Variants in PSD3 observed in about 807,000 individuals in gnomAD.
The protein encoded by PSD3 is pleckstrin and Sec7 domain containing 3, also known as PH and SEC7 domain-containing protein 3.
In PSD3, 49 loss-of-function variants were observed where a neutral mutation model predicts 105.5. The ratio of observed to expected loss-of-function variants is 0.46; its 90% CI spans 0.37 to 0.59. The LOEUF (loss-of-function observed/expected upper bound fraction) is 0.59. Among genes scored for constraint, PSD3 ranks in the 20% least tolerant of loss-of-function variants. PSD3 has a pLI of 0.00. For missense variants in PSD3, 1,561 were observed against 1,263.8 expected (o/e 1.24, Z -3.57); for synonymous variants, 557 against 457.8 (o/e 1.22, Z -2.77).
At chr8:18,870,562 G>A (rs2129457163) in intron 3 of PSD3, among the ~76,000 whole-genome samples, 1 of 152,180 alleles carries the variant, frequency 6.6e-6, no homozygotes, top group East Asian at 1.9e-4. Flanking sequence ...GATGGCATTA[G>A]GAGAAATACC....
At chr8:19,015,035 G>A (rs374757539), upstream of PSD3, among the ~76,000 whole-genome samples, 1 of 152,276 alleles carries the variant, frequency 6.6e-6, no homozygotes, top group East Asian at 1.9e-4. Flanking sequence ...CATTGATATG[G>A]TTTGGCTGTA....
rs1245061148 is a variant in PSD3 at position 18,872,498 on chromosome 8, A to T, written c.366T>A (p.His122Gln). 1 of 1,614,098 alleles carries T rather than the reference A, an allele frequency of 6.2e-7. No individual in the cohort carries two copies. The highest frequency in any genetic ancestry group is 8.5e-7 in the Non-Finnish European group (1 of 1,180,022). ...TGGGCTGTAAACTTTGTTCCTTGAG[A>T]TGACTTTGAGAGGGGGCCTCTCTGA... ...KDVREAPSQS[H>Q]LKEQSLQPID... is the part of the protein sequence containing the mutation. The change falls in exon 3 of 16, where the codon CAT becomes CAA. Residue 122 changes from histidine to glutamine, a missense_variant. Physicochemically the swap from His to Gln is conservative, Grantham distance 24 (BLOSUM62 0). Coordinates refer to ENST00000327040, the MANE Select transcript of PSD3 (RefSeq NM_015310.4).
chr8:18,854,254 G>T (rs1043800044), intron 4 of PSD3: 1 of 152,734 alleles, frequency 6.5e-6, no homozygotes, highest in South Asian at 2.1e-4. Context: ...CACTGACTCC[G>T]CAGTGACATT....
At chr8:18,565,508 A>G (rs369118802) in intron 14 of PSD3, among the ~76,000 whole-genome samples, 45 of 152,372 alleles carry the variant, frequency 3.0e-4, no homozygotes, top group African/African-American at 1.1e-3. Flanking sequence ...CATAAAAGAC[A>G]AGAATAAATT....
chr8:18,622,289 T>C (rs1301731067), intron 11 of PSD3, among the ~76,000 whole-genome samples: 2 of 152,248 alleles, frequency 1.3e-5, no homozygotes, highest in Non-Finnish European at 2.9e-5. Flanking sequence ...CTTTGATTCA[T>C]TTCTTCCCAC....
chr8:18,756,808 T>C (rs535068108), intron 9 of PSD3, among the ~76,000 whole-genome samples: 1 of 148,446 alleles, frequency 6.7e-6, no homozygotes, highest in South Asian at 2.2e-4. Flanking sequence ...TATCTTATTT[T>C]ACAAATGAGG....
chr8:18,928,914 T>G (rs1209155997), intron 2 of PSD3, among the ~76,000 whole-genome samples: 4 of 152,072 alleles, frequency 2.6e-5, no homozygotes, highest in African/African-American at 4.8e-5. Flanking sequence ...ACTCCTGGGC[T>G]CAAACAGTCC....
chr8:18,681,446 CAAAAAAA>C (rs528679351), intron 9 of PSD3, among the ~76,000 whole-genome samples: 43 of 62,282 alleles, frequency 6.9e-4, no homozygotes, highest in East Asian at 2.0e-3. Flanking sequence ...GTTTCTGTTT[CAAAAAAA>C]AAAAAAAAAA....
intron 4 of PSD3, among the ~76,000 whole-genome samples, chr8:18,814,950 T>C (rs1288624459): frequency 6.6e-6 from 1 of 152,238 alleles, no homozygotes; most frequent in African/African-American, 2.4e-5. Flanking sequence ...GGATAAGAAC[T>C]ACAATTTTCA....
At chr8:18,972,741 G>C (rs1824724989) in intron 1 of PSD3, among the ~76,000 whole-genome samples, 1 of 152,322 alleles carries the variant, frequency 6.6e-6, no homozygotes, top group East Asian at 1.9e-4. Flanking sequence ...AAACCAGAAA[G>C]AGGACACTCA....
At chr8:18,616,303 A>G (rs1805658715) in intron 11 of PSD3, among the ~76,000 whole-genome samples, 1 of 152,198 alleles carries the variant, frequency 6.6e-6, no homozygotes, top group East Asian at 1.9e-4. Flanking sequence ...CCGACCCTAC[A>G]ATACATTTCT....
chr8:18,762,820 TA>T, intron 9 of PSD3: 1 of 704,118 alleles, frequency 1.4e-6, no homozygotes, highest in Non-Finnish European at 2.0e-6. Flanking sequence ...CACATTTAAA[TA>T]TGTCAAGGTC....
chr8:19,018,359 T>TA (rs33971629), upstream of PSD3, among the ~76,000 whole-genome samples: 611 of 149,756 alleles, frequency 4.1e-3, 1 homozygote, highest in African/African-American at 0.013. Context: ...ATGCTCTTTT[T>TA]AAAAAAAAAA....
intron 9 of PSD3, among the ~76,000 whole-genome samples, chr8:18,687,403 T>A (rs542814703): frequency 6.6e-6 from 1 of 151,968 alleles, no homozygotes; most frequent in African/African-American, 2.4e-5. Context: ...GAGGTTGAGG[T>A]TGCAGTGAGC....
At chr8:18,921,474 A>G (rs1369979805) in intron 2 of PSD3, among the ~76,000 whole-genome samples, 1 of 152,212 alleles carries the variant, frequency 6.6e-6, no homozygotes, top group Non-Finnish European at 1.5e-5. Flanking sequence ...AGGAAGCTTT[A>G]TTATTTCTTA....
chr8:18,595,597 T>A (rs1308906106), intron 12 of PSD3, among the ~76,000 whole-genome samples: 1 of 151,826 alleles, frequency 6.6e-6, no homozygotes, highest in Non-Finnish European at 1.5e-5. Context: ...AAATATTGCA[T>A]GCAATTGGTA....
At chr8:18,846,242 A>C (rs1250041146) in intron 4 of PSD3, among the ~76,000 whole-genome samples, 1 of 152,158 alleles carries the variant, frequency 6.6e-6, no homozygotes, top group Non-Finnish European at 1.5e-5. Flanking sequence ...GCAAAGGTAA[A>C]TATTTCTCTA....
intron 8 of PSD3, 99 bp downstream of exon 8, chr8:18,799,196 G>A (rs1810465322): frequency 9.4e-7 from 1 of 1,066,164 alleles, no homozygotes; most frequent in South Asian, 1.3e-5. Flanking sequence ...ACCATGTAGA[G>A]AATGGGAAAC....
chr8:18,876,808 C>T (rs1272408223), intron 2 of PSD3, among the ~76,000 whole-genome samples: 1 of 152,182 alleles, frequency 6.6e-6, no homozygotes. Flanking sequence ...TTTTCCAAAG[C>T]AAATGCACTA....
Sources: gnomAD v4.1 joint callset for allele counts (sites outside exome capture counted in the v4.1 genomes callset) on GRCh38, gnomAD v4.1.1 for gene constraint, MANE v1.5 for transcripts, NCBI Gene and HGNC (gene_info 2026-07-23, HGNC 2026-07-21) for gene names.